Variants in ATXN2 observed in about 807,000 individuals in gnomAD.
ATXN2 encodes the protein ataxin-2.
In ATXN2, 37 loss-of-function variants were observed where a neutral mutation model predicts 138.6. That is an observed-to-expected ratio of 0.27 (90% confidence interval 0.21 to 0.35). The LOEUF is 0.35. Among genes scored for constraint, ATXN2 ranks in the 10% least tolerant of loss-of-function variants. The pLI, the probability that ATXN2 is intolerant of heterozygous loss-of-function variation, is 1.00. For missense variants in ATXN2, 1,216 were observed against 1,480.3 expected (o/e 0.82, Z 2.93); for synonymous variants, 549 against 543.7 (o/e 1.01, Z -0.13).
At chr12:111,559,057 A>G (rs1882533955) in intron 1 of ATXN2, among the ~76,000 whole-genome samples, 1 of 151,960 alleles carries the variant, frequency 6.6e-6, no homozygotes, top group Admixed American at 6.6e-5. Context: ...ATGGAAGAAT[A>G]TATTAACTGA....
At chr12:111,580,355 T>C (rs1359541185) in intron 1 of ATXN2, among the ~76,000 whole-genome samples, 6 of 151,422 alleles carry the variant, frequency 4.0e-5, no homozygotes, top group African/African-American at 1.5e-4. Flanking sequence ...CCGGACATGG[T>C]GGTACACACC....
chr12:111,528,271 ATG>A (rs1011180130), intron 5 of ATXN2, among the ~76,000 whole-genome samples: 1 of 151,970 alleles, frequency 6.6e-6, no homozygotes, highest in Admixed American at 6.6e-5. Flanking sequence ...ACTACAGGGT[ATG>A]TGTGTGTGTG....
intron 21 of ATXN2, among the ~76,000 whole-genome samples, chr12:111,458,641 G>A (rs1043655237): frequency 6.6e-6 from 1 of 152,154 alleles, no homozygotes. Context: ...AAGATAATAA[G>A]CCCATACACA....
chr12:111,591,353 G>A (rs1884656328), intron 1 of ATXN2, among the ~76,000 whole-genome samples: 1 of 149,086 alleles, frequency 6.7e-6, no homozygotes, highest in Non-Finnish European at 1.5e-5. Flanking sequence ...AGGGGCCCCA[G>A]AACTTAAAAT....
intron 18 of ATXN2, 137 bp downstream of exon 18, chr12:111,485,128 T>C (rs1353316354): frequency 4.3e-6 from 3 of 701,528 alleles, no homozygotes; most frequent in Non-Finnish European, 4.8e-6. Flanking sequence ...ATCTATGTAA[T>C]GTTGTTCATC....
chr12:111,536,728 T>G (rs111694168), intron 5 of ATXN2, among the ~76,000 whole-genome samples: 11 of 151,574 alleles, frequency 7.3e-5, no homozygotes, highest in African/African-American at 2.7e-4. Flanking sequence ...TGTATGAGTA[T>G]GCATACACAC....
chr12:111,545,165 A>G (rs897122064), intron 5 of ATXN2, among the ~76,000 whole-genome samples: 5 of 152,162 alleles, frequency 3.3e-5, no homozygotes, highest in Non-Finnish European at 7.3e-5. Context: ...TCAAAAACAA[A>G]AACAAAACAA....
Position 111,516,287 on chromosome 12 carries a change from A to G in ATXN2, c.1242T>C (p.Leu414=), listed in dbSNP as rs770688909. 6.3e-7 allele frequency: 1 copy of G among 1,576,828 alleles called. No individual in the cohort carries two copies. The highest frequency in any genetic ancestry group is 1.2e-5 in the South Asian group (1 of 85,028). ...PSRYQSGPNS[L]PPRAATPTRP... ...GTGTAGGGGTGGCTGCCCGAGGTGG[A>G]AGAGAGTTGGGACCTGACTGGTAGC... The change falls in exon 10 of 25, where the codon CTT becomes CTC. Residue 414 remains leucine (L), a synonymous_variant. Coordinates refer to ENST00000673436, the MANE Select transcript of ATXN2 (RefSeq NM_001372574.1). The surrounding 1 kb of genome is among the most constrained non-coding windows in gnomAD (Gnocchi z 5.0).
intron 1 of ATXN2, among the ~76,000 whole-genome samples, chr12:111,567,522 A>G (rs1163858516): frequency 6.6e-6 from 1 of 150,446 alleles, no homozygotes. Flanking sequence ...GAACGTTCCA[A>G]AAATGAAATG....
chr12:111,496,151 T>TACAA (rs747789456), intron 14 of ATXN2, among the ~76,000 whole-genome samples: 38 of 151,716 alleles, frequency 2.5e-4, no homozygotes, highest in African/African-American at 6.0e-4. Context: ...GAGACTCTGT[T>TACAA]ACAAACAAAC....
In ATXN2 at chr12:111,599,227, A is replaced by C; in HGVS notation, c.-193T>G. 2.5e-6 allele frequency: 3 copies of C among 1,193,750 alleles called. No homozygotes were observed. The highest frequency in any genetic ancestry group is 3.1e-6 in the Non-Finnish European group (3 of 965,712). The allele number at this position is 1,193,750 out of a possible 1,614,324, so 73.9% of individuals were successfully genotyped here. A position where few individuals can be genotyped will look rare whatever the true frequency, so the allele number is the denominator to read the frequency against. On this transcript the variant is annotated 5_prime_UTR_variant, in exon 1 of 25. Transcript: ENST00000673436. ...CGAAGGGGCGGGGAGGCCCGCCGAG[A>C]CCAAGGAGCCGCCGGGAGCCGGGCC...
intron 6 of ATXN2, among the ~76,000 whole-genome samples, chr12:111,522,208 T>TA (rs1438665316): frequency 6.9e-6 from 1 of 145,272 alleles, no homozygotes; most frequent in African/African-American, 2.6e-5. Context: ...TAAAATTACT[T>TA]AAGTAATGTA....
At chr12:111,518,068 A>C (rs534152295) in intron 9 of ATXN2, among the ~76,000 whole-genome samples, 181 bp downstream of exon 9, 1 of 152,328 alleles carries the variant, frequency 6.6e-6, no homozygotes, top group East Asian at 1.9e-4. Context: ...TCAATGACAT[A>C]TACAATGTTT....
intron 1 of ATXN2, among the ~76,000 whole-genome samples, chr12:111,579,411 C>T (rs1046839905): frequency 2.8e-4 from 43 of 152,004 alleles, no homozygotes; most frequent in Non-Finnish European, 4.4e-4. Context: ...TACAGGCATG[C>T]GCCACCACGC....
intron 1 of ATXN2, among the ~76,000 whole-genome samples, chr12:111,589,671 C>G (rs983112213): frequency 3.3e-5 from 5 of 151,784 alleles, no homozygotes; most frequent in Admixed American, 6.6e-5. Context: ...ACTCGGGAGG[C>G]TGAGGCATGA....
intron 5 of ATXN2, among the ~76,000 whole-genome samples, chr12:111,532,854 A>G (rs955037471): frequency 2.4e-4 from 17 of 71,474 alleles, no homozygotes; most frequent in Admixed American, 5.1e-4. Flanking sequence ...AGGTTTAAGG[A>G]AAAAAAAAAA....
rs1879455567 is a variant in ATXN2 at position 111,510,691 on chromosome 12, GCCCTTA to G, written c.1559-115_1559-110del. 2.9e-6 allele frequency: 3 copies of G among 1,017,982 alleles called. No individual in the cohort carries two copies. The African/African-American group carries it at 4.9e-5, about 17-fold the overall frequency. The allele number at this position is 1,017,982 out of a possible 1,614,324, so 63.1% of individuals were successfully genotyped here. On this transcript the variant is annotated intron_variant, in intron 11 of 24. Coordinates refer to ENST00000673436, the MANE Select transcript of ATXN2 (RefSeq NM_001372574.1). Reference sequence around the variant, plus strand: ...TAGGTAAATAAAACTGTCCTCTCTAGCCCTTACCCTTTATCCCATTACTGTTTTCTT... The same window carrying G: ...TAGGTAAATAAAACTGTCCTCTCTAGCCCTTTATCCCATTACTGTTTTCTT...
At chr12:111,484,696 A>T (rs1056924035) in intron 18 of ATXN2, among the ~76,000 whole-genome samples, 1 of 151,546 alleles carries the variant, frequency 6.6e-6, no homozygotes, top group Admixed American at 6.6e-5. Context: ...TCGGCCTCCC[A>T]AAGTGCTGGG....
chr12:111,539,481 C>T (rs1881372277), intron 5 of ATXN2, among the ~76,000 whole-genome samples: 1 of 150,490 alleles, frequency 6.6e-6, no homozygotes. Context: ...GGTGCGATGG[C>T]TCATGCCTGT....
Sources: allele counts gnomAD v4.1 joint callset (sites outside exome capture counted in the v4.1 genomes callset), GRCh38; gene constraint gnomAD v4.1.1; non-coding constraint Gnocchi (gnomAD v3.1); transcripts MANE v1.5; gene names NCBI Gene and HGNC (gene_info 2026-07-23, HGNC 2026-07-21).